PCNX2: variants seen among roughly 807,000 people sequenced by gnomAD.
PCNX2 encodes pecanex 2.
PCNX2 carries 168 observed loss-of-function variants against 223.8 expected under a neutral mutation model. That is an observed-to-expected ratio of 0.75 (90% CI 0.66 to 0.85). The LOEUF (loss-of-function observed/expected upper bound fraction) is 0.85, where lower values mean the gene tolerates loss of function less well. PCNX2 is among the 40% of genes least tolerant of loss of function. PCNX2 has a pLI of 0.00. For synonymous variants in PCNX2, 1,006 were observed against 1,052.6 expected (o/e 0.96, Z 0.86); for missense variants, 2,507 against 2,675.5 (o/e 0.94, Z 1.39).
At chr1:233,291,005 GAC>G (rs1661730998) in intron 1 of PCNX2, 9 of 985,250 alleles carry the variant, frequency 9.1e-6, no homozygotes, top group Non-Finnish European at 1.1e-5. Flanking sequence ...CAGTGGAGTT[GAC>G]CACAATGCCA....
At chr1:233,326,326 T>C in the PCNX2 span, among the ~76,000 whole-genome samples, 7 of 152,224 alleles carry the variant, frequency 4.6e-5, no homozygotes, top group Non-Finnish European at 1.0e-4. Context: ...CCTAATATAA[T>C]GTAAATGCTC....
intron 25 of PCNX2, among the ~76,000 whole-genome samples, chr1:233,051,505 C>T (rs1672004730): frequency 6.6e-6 from 1 of 152,196 alleles, no homozygotes; most frequent in Non-Finnish European, 1.5e-5. Flanking sequence ...CCATGGAATA[C>T]TATGCAGCCA....
chr1:233,321,161 G>C, the PCNX2 span, among the ~76,000 whole-genome samples: 1 of 151,310 alleles, frequency 6.6e-6, no homozygotes, highest in Admixed American at 6.6e-5. Flanking sequence ...TGGAACTATA[G>C]GTGAAATGTC....
chr1:233,235,955 A>ATATATATATATAT (rs1553319628), intron 9 of PCNX2, among the ~76,000 whole-genome samples: 5 of 41,494 alleles, frequency 1.2e-4, no homozygotes, highest in African/African-American at 3.4e-4. Flanking sequence ...ATCATAAAAA[A>ATATATATATATAT]AAATATATAT....
In PCNX2 at chr1:233,207,930, G is replaced by A. The variant is rs114693142; in HGVS notation, c.2863+588C>T. Among the ~76,000 whole-genome samples, 1,513 of 152,118 alleles carry A rather than the reference G, an allele frequency of 9.9e-3. 26 individuals are homozygous for A. The highest frequency in any genetic ancestry group is 0.035 in the African/African-American group (1,435 of 41,496). On this transcript the variant is annotated intron_variant, in intron 13 of 33. Transcript: ENST00000258229. The stretch of plus-strand genomic sequence containing the variant: ...GGCAAAACCATCCCCAGCAGGCACC[G>A]TAACAACCATTCTTCAGATGAGCAT...
intron 22 of PCNX2, among the ~76,000 whole-genome samples, chr1:233,093,894 G>A (rs1302707970): frequency 6.6e-6 from 1 of 152,198 alleles, no homozygotes; most frequent in East Asian, 1.9e-4. Context: ...TGTATATCAT[G>A]AAAGTATGTA....
the PCNX2 span, among the ~76,000 whole-genome samples, chr1:233,317,873 A>G: frequency 1.3e-5 from 2 of 152,250 alleles, no homozygotes; most frequent in Admixed American, 6.5e-5. Context: ...GGGAATAAAG[A>G]CGAGGTTTCA....
intron 8 of PCNX2, chr1:233,250,479 GTTTAT>G: frequency 1.2e-6 from 1 of 832,162 alleles, no homozygotes; most frequent in East Asian, 1.2e-4. Context: ...ACATTATTAT[GTTTAT>G]ACAGAGTTCC....
chr1:233,057,559 C>G, intron 23 of PCNX2: 1 of 353,762 alleles, frequency 2.8e-6, no homozygotes, highest in Non-Finnish European at 5.2e-6. Context: ...TTTGGAGCAC[C>G]AGATCTGCAA....
intron 31 of PCNX2, 126 bp downstream of exon 31, chr1:232,998,979 T>A: frequency 9.5e-7 from 1 of 1,056,414 alleles, no homozygotes; most frequent in Non-Finnish European, 1.3e-6. Context: ...CACTTGGGGG[T>A]AGCAGTTTTA....
intron 21 of PCNX2, 131 bp from the exon 22 acceptor site, chr1:233,095,994 A>T: frequency 1.6e-6 from 1 of 631,466 alleles, no homozygotes; most frequent in Non-Finnish European, 2.8e-6. Flanking sequence ...TCTTACTGTG[A>T]TCTTCCTGCA....
At chr1:233,158,650 T>C (rs1336797718) in intron 19 of PCNX2, among the ~76,000 whole-genome samples, 2 of 152,058 alleles carry the variant, frequency 1.3e-5, no homozygotes, top group East Asian at 3.9e-4. Flanking sequence ...AGGAAATGTA[T>C]AGGTAAAGGT....
chr1:233,142,505 C>T (rs1444770066), intron 19 of PCNX2, among the ~76,000 whole-genome samples: 1 of 152,190 alleles, frequency 6.6e-6, no homozygotes, highest in East Asian at 1.9e-4. Context: ...CTAGCTCTTT[C>T]CCAAGGCAAG....
chr1:233,226,679 G>A (rs1164848361), intron 10 of PCNX2, among the ~76,000 whole-genome samples: 4 of 152,196 alleles, frequency 2.6e-5, no homozygotes, highest in Non-Finnish European at 5.9e-5. Context: ...AGGAGGAGGT[G>A]AGAAAGGGGA....
intron 32 of PCNX2, among the ~76,000 whole-genome samples, chr1:232,996,337 A>G (rs1039848311): frequency 2.0e-5 from 3 of 152,140 alleles, no homozygotes; most frequent in African/African-American, 7.2e-5. Flanking sequence ...ATGCTTAGGC[A>G]TTTCACCATT....
intron 24 of PCNX2, among the ~76,000 whole-genome samples, chr1:233,056,607 T>C (rs573811708): frequency 6.6e-6 from 1 of 152,338 alleles, no homozygotes; most frequent in Admixed American, 6.5e-5. Flanking sequence ...ATCATGTAGA[T>C]GCAATTCAAA....
At chr1:233,309,473 G>A in the PCNX2 span, among the ~76,000 whole-genome samples, 1 of 151,636 alleles carries the variant, frequency 6.6e-6, no homozygotes, top group South Asian at 2.1e-4. Context: ...CCCAGGAGGT[G>A]GAGGATGCAG....
intron 21 of PCNX2, among the ~76,000 whole-genome samples, chr1:233,122,170 G>A (rs928997736): frequency 1.3e-5 from 2 of 151,938 alleles, no homozygotes; most frequent in African/African-American, 2.4e-5. Flanking sequence ...CTGCCAACTG[G>A]AGAGCTCCAA....
At chr1:233,088,687 G>A (rs1673717860) in intron 23 of PCNX2, among the ~76,000 whole-genome samples, 1 of 152,158 alleles carries the variant, frequency 6.6e-6, no homozygotes, top group Admixed American at 6.5e-5. Context: ...CCGAAGTAGG[G>A]CTCACTGATT....
Sources: allele counts gnomAD v4.1 joint callset (sites outside exome capture counted in the v4.1 genomes callset), GRCh38; gene constraint gnomAD v4.1.1; transcripts MANE v1.5; gene names NCBI Gene and HGNC (gene_info 2026-07-23, HGNC 2026-07-21).